The following HAUS6 variants were observed in gnomAD, a reference collection of about 807,000 sequenced individuals.
HAUS6 encodes the protein HAUS augmin-like complex subunit 6.
A neutral mutation model predicts 106.8 loss-of-function variants in HAUS6; 80 were observed. That is an observed-to-expected ratio of 0.75 (90% CI 0.63 to 0.90). The LOEUF is 0.90. Among genes scored for constraint, HAUS6 ranks in the 40% least tolerant of loss-of-function variants. HAUS6 has a pLI of 0.00. For missense variants in HAUS6, 1,155 were observed against 1,118.1 expected (o/e 1.03, Z -0.47); for synonymous variants, 356 against 379.1 (o/e 0.94, Z 0.71).
chr9:19,102,448 G>A (rs559734078), intron 1 of HAUS6, 76 bp downstream of exon 1: 3 of 1,477,740 alleles, frequency 2.0e-6, no homozygotes, highest in East Asian at 4.6e-5. Flanking sequence ...ATCAACCTCC[G>A]GGGTCTACAA....
intron 1 of HAUS6, among the ~76,000 whole-genome samples, chr9:19,101,763 T>C (rs771182662): frequency 3.3e-5 from 5 of 152,004 alleles, no homozygotes; most frequent in Non-Finnish European, 5.9e-5. Context: ...CTACTAAAGA[T>C]ACAAAAATTG....
intron 2 of HAUS6, among the ~76,000 whole-genome samples, chr9:19,094,918 T>C (rs932299396): frequency 6.6e-6 from 1 of 152,104 alleles, no homozygotes; most frequent in African/African-American, 2.4e-5. Context: ...GTCATACAAA[T>C]AACTAAAATG....
At position 19,058,042 on chromosome 9, in the gene HAUS6, G is replaced by C. The variant is rs369340619; in HGVS notation, c.2725C>G (p.Pro909Ala). ...TCCACTGGAGAAAACTTAATTAGTG[G>C]TGAAAGAGACCGTTTTCTTTCACCG... ...SIGERKRSLS[P>A]LIKFSPVEQR... The change falls in exon 16 of 17, where the codon CCA becomes GCA. Residue 909 changes from proline to alanine, a missense_variant. Physicochemically the swap from Pro to Ala is conservative, Grantham distance 27 (BLOSUM62 -1). Transcript: ENST00000380502. The C allele has an allele frequency of 1.2e-6, 2 of 1,612,294 alleles. No individual in the cohort carries two copies. The highest frequency in any genetic ancestry group is 2.7e-5 in the African/African-American group (2 of 74,864).
intron 5 of HAUS6, among the ~76,000 whole-genome samples, chr9:19,088,415 C>CA (rs11392937): frequency 0.3 from 27,590 of 90,958 alleles, 2,585 homozygotes; most frequent in Middle Eastern, 0.35. Context: ...GACTCCGTCT[C>CA]AAAAAAAAAA....
chr9:19,082,025 G>A (rs1293830321), intron 8 of HAUS6, among the ~76,000 whole-genome samples: 2 of 152,178 alleles, frequency 1.3e-5, no homozygotes, highest in Admixed American at 6.5e-5. Context: ...TCCAGATAAT[G>A]TCCCATAAGC....
chr9:19,075,738 G>A (rs918565235), intron 11 of HAUS6, among the ~76,000 whole-genome samples: 5 of 152,184 alleles, frequency 3.3e-5, no homozygotes, highest in South Asian at 2.1e-4. Flanking sequence ...CGGATCATTC[G>A]AGGTCAGGAG....
In HAUS6 at chr9:19,058,522, T is replaced by C. The variant is rs1023848823; in HGVS notation, c.2245A>G (p.Asn749Asp). 2.9e-5 allele frequency: 46 copies of C among 1,576,496 alleles called. No homozygotes were observed. Among genetic ancestry groups the C allele is most frequent in the Admixed American group, 3.6e-5 (2 of 56,006 alleles). Residue 749 changes from asparagine to aspartate, a missense_variant, in exon 16 of 17, where the codon AAT (asparagine) becomes GAT (aspartate). By Grantham distance (23) the Asn-to-Asp change is conservative. This residue lies in a region of HAUS6 where 380 missense variants were observed against 394.8 expected (regional missense o/e 0.96). Transcript: ENST00000380502. Reference protein sequence around the residue: ...LEVSCNKPSTNKTMLWNSFQI... With the variant: ...LEVSCNKPSTDKTMLWNSFQI... ...AAAGAATTCCACAACATAGTTTTAT[T>C]TGTGGAAGGTTTGTTACAAGAAACT...
At chr9:19,057,645 G>A in intron 16 of HAUS6, 1 of 362,374 alleles carries the variant, frequency 2.8e-6, no homozygotes. Flanking sequence ...TTTCTCAAGT[G>A]TTTAAAAACC....
At chr9:19,099,409 G>T (rs950112239) in intron 1 of HAUS6, among the ~76,000 whole-genome samples, 2 of 151,988 alleles carry the variant, frequency 1.3e-5, no homozygotes, top group African/African-American at 4.8e-5. Context: ...CTCGTGATCC[G>T]CCCATCTCGG....
chr9:19,100,676 C>T (rs1817968774), intron 1 of HAUS6, among the ~76,000 whole-genome samples: 2 of 152,100 alleles, frequency 1.3e-5, no homozygotes, highest in African/African-American at 4.8e-5. Context: ...ACAGAATCAA[C>T]CTAAGTTGAA....
intron 1 of HAUS6, among the ~76,000 whole-genome samples, chr9:19,097,248 A>G (rs1411143822): frequency 6.6e-6 from 1 of 152,240 alleles, no homozygotes; most frequent in Non-Finnish European, 1.5e-5. Context: ...AAATTGACAA[A>G]TGGGATCTAA....
At chr9:19,067,493 T>A (rs539472708) in intron 12 of HAUS6, among the ~76,000 whole-genome samples, 9 of 152,252 alleles carry the variant, frequency 5.9e-5, no homozygotes, top group Non-Finnish European at 1.0e-4. Context: ...GTATTTCAAA[T>A]CTATAATTAA....
At position 19,080,503 on chromosome 9, in the gene HAUS6, C is replaced by T. The variant is rs977597594; in HGVS notation, c.1040G>A (p.Arg347Lys). 1.2e-6 allele frequency: 2 copies of T among 1,607,714 alleles called. No homozygotes were observed. Among genetic ancestry groups the T allele is most frequent in the East Asian group, 2.2e-5 (1 of 44,830 alleles). The change falls in exon 9 of 17, where the codon AGA (arginine) becomes AAA (lysine). Residue 347 changes from arginine (R) to lysine (K), a missense_variant. Coordinates refer to ENST00000380502, the MANE Select transcript of HAUS6 (RefSeq NM_017645.5). ...CCTCATATGTTTCAGATCTGATAATCTTTCCTTCTGAAATTTGGTCTCTTT... is the reference window on the plus strand; with the variant it reads ...CCTCATATGTTTCAGATCTGATAATTTTTCCTTCTGAAATTTGGTCTCTTT... ...LEKETKFQKE[R>K]LSDLKHMRYR...
intron 8 of HAUS6, among the ~76,000 whole-genome samples, chr9:19,081,586 T>C (rs1837151783): frequency 6.6e-6 from 1 of 151,998 alleles, no homozygotes; most frequent in Non-Finnish European, 1.5e-5. Context: ...ACTACAGATG[T>C]GCACCACCAT....
At chr9:19,075,251 G>T (rs934855385) in intron 11 of HAUS6, among the ~76,000 whole-genome samples, 2 of 152,104 alleles carry the variant, frequency 1.3e-5, no homozygotes, top group Non-Finnish European at 2.9e-5. Flanking sequence ...GGGATTGGGG[G>T]GTGATAGCTA....
At position 19,058,391 on chromosome 9, in the gene HAUS6, G is replaced by C; in HGVS notation, c.2376C>G (p.Ser792=). Residue 792 remains serine (S), a synonymous_variant, in exon 16 of 17, where the codon TCC becomes TCG. Transcript: ENST00000380502. ...EEVGHLSFNS[S]SSSEANFKLE... ...GTTTAAAATTGGCCTCTGAACTACT[G>C]GAACTATTAAAACTTAGATGACCAA... 1 of 1,613,776 alleles carries C rather than the reference G, an allele frequency of 6.2e-7. No individual in the cohort carries two copies. Among genetic ancestry groups the C allele is most frequent in the Non-Finnish European group, 8.5e-7 (1 of 1,179,800 alleles).
At chr9:19,095,742 A>C (rs1817847863) in intron 2 of HAUS6, among the ~76,000 whole-genome samples, 1 of 152,146 alleles carries the variant, frequency 6.6e-6, no homozygotes, top group Admixed American at 6.6e-5. Flanking sequence ...TATCAAAATA[A>C]ATTTGAACAC....
At chr9:19,099,033 A>C (rs1423884110) in intron 1 of HAUS6, among the ~76,000 whole-genome samples, 1 of 151,130 alleles carries the variant, frequency 6.6e-6, no homozygotes, top group African/African-American at 2.4e-5. Context: ...AAAAAAAAAA[A>C]AGAAAAAAAG....
Position 19,053,187 on chromosome 9 carries a change from C to T in HAUS6, c.*3156G>A, listed in dbSNP as rs1836393818. 1 of 152,178 alleles carries T rather than the reference C, an allele frequency of 6.6e-6. No individual in the cohort carries two copies. Among genetic ancestry groups the T allele is most frequent in the African/African-American group, 2.4e-5 (1 of 41,544 alleles). 9.4% of individuals were successfully genotyped at this position (152,178 alleles called of 1,614,324 possible). On this transcript the variant is annotated 3_prime_UTR_variant, in exon 17 of 17. Coordinates refer to ENST00000380502, the MANE Select transcript of HAUS6 (RefSeq NM_017645.5). ...AAAACAACAGTATTTAAAACATTTA[C>T]AGAGAGTCCCATAGAGGATTCTCAA...
Sources: allele counts gnomAD v4.1 joint callset (sites outside exome capture counted in the v4.1 genomes callset), GRCh38; gene constraint gnomAD v4.1.1; regional missense constraint gnomAD v4.1.1; transcripts MANE v1.5; gene names NCBI Gene and HGNC (gene_info 2026-07-23, HGNC 2026-07-21).